CDH5: variants seen among roughly 807,000 people sequenced by gnomAD.
The protein encoded by CDH5 is cadherin-5.
A neutral mutation model predicts 62.0 loss-of-function variants in CDH5; 28 were observed. That is an observed-to-expected ratio of 0.45 (90% CI 0.33 to 0.62). CDH5 has a LOEUF of 0.62. Ranked by LOEUF, CDH5 falls within the 20% of genes least tolerant of loss-of-function variation. The pLI is 0.02. For synonymous variants in CDH5, 464 were observed against 445.8 expected (o/e 1.04, Z -0.52); for missense variants, 940 against 1,065.1 (o/e 0.88, Z 1.63).
At chr16:66,400,226 T>G (rs1458071564) in intron 10 of CDH5, among the ~76,000 whole-genome samples, 1 of 152,230 alleles carries the variant, frequency 6.6e-6, no homozygotes, top group African/African-American at 2.4e-5. Context: ...AGTTCCAAAC[T>G]GCCTGGGAAA....
At position 66,386,989 on chromosome 16, in the gene CDH5, C is replaced by T; in HGVS notation, c.391C>T (p.Leu131=). 1 of 1,614,138 alleles carries T rather than the reference C, an allele frequency of 6.2e-7. No individual in the cohort carries two copies. Among genetic ancestry groups the T allele is most frequent in the East Asian group, 2.2e-5 (1 of 44,886 alleles). ...TGTGGACAAGGACACTGGCGAAAAC[C>T]TGGAGACTCCTTCCAGCTTCACCAT... ...VIVDKDTGEN[L]ETPSSFTIKV... Residue 131 remains leucine (L), a synonymous_variant, in exon 3 of 12, where the codon CTG becomes TTG. Transcript: ENST00000341529.
intron 2 of CDH5, among the ~76,000 whole-genome samples, chr16:66,382,919 AT>A (rs1441631020): frequency 6.6e-6 from 1 of 152,174 alleles, no homozygotes; most frequent in African/African-American, 2.4e-5. Flanking sequence ...ACCCACAAAT[AT>A]GGGTTTTTGG....
chr16:66,379,591 C>T lies in CDH5; in HGVS notation c.210+44C>T, dbSNP rs764004552. The T allele has an allele frequency of 6.4e-6, 10 of 1,556,586 alleles. No individual in the cohort carries two copies. In the Admixed American group the frequency reaches 8.4e-5, roughly 13 times the overall value. ...GACAGGAGAAGCCATCAGCAGCTGG[C>T]CCATAGTGACAAGTGGTGGTGGTGA... On this transcript the variant is annotated intron_variant, in intron 2 of 11. Coordinates refer to ENST00000341529, the MANE Select transcript of CDH5 (RefSeq NM_001795.5).
chr16:66,373,336 C>T (rs948338320), intron 1 of CDH5, among the ~76,000 whole-genome samples: 1 of 152,124 alleles, frequency 6.6e-6, no homozygotes, highest in Non-Finnish European at 1.5e-5. Context: ...GCCCGGTTTC[C>T]TCTGCATCAT....
chr16:66,399,995 T>C (rs1961253134), intron 10 of CDH5, among the ~76,000 whole-genome samples: 1 of 152,232 alleles, frequency 6.6e-6, no homozygotes, highest in African/African-American at 2.4e-5. Flanking sequence ...AGGGAGTTCC[T>C]GGATCCTTCT....
intron 1 of CDH5, chr16:66,376,261 T>C (rs570213544): frequency 6.6e-6 from 1 of 152,334 alleles, no homozygotes; most frequent in African/African-American, 2.4e-5. Context: ...GCAATGTTAC[T>C]AGGGCAGAGG....
At chr16:66,391,495 G>A (rs957582817) in intron 6 of CDH5, among the ~76,000 whole-genome samples, 17 of 152,032 alleles carry the variant, frequency 1.1e-4, no homozygotes, top group Middle Eastern at 3.2e-3. Flanking sequence ...ATGTCCGGCC[G>A]GGCCCGGTGG....
rs557132442 is a variant in CDH5 at position 66,397,073 on chromosome 16, A to G, written c.1360+872A>G. Among the ~76,000 whole-genome samples the G allele has an allele frequency of 2.4e-4, 37 of 152,368 alleles. No individual in the cohort carries two copies. The South Asian group carries it at 5.0e-3, about 20-fold the overall frequency. On this transcript the variant is annotated intron_variant, in intron 8 of 11. Transcript: ENST00000341529. ...CCCACCAATGCCACCATGCAGAGAC[A>G]GTTACTATTAGCACATTCATGTATT...
At chr16:66,379,820 A>G (rs12928629) in intron 2 of CDH5, among the ~76,000 whole-genome samples, 150,920 of 151,740 alleles carry the variant, frequency 0.99, 75,103 homozygotes, top group Middle Eastern at 1. Flanking sequence ...AATGGTGGTG[A>G]TGGTAGTGAT....
Position 66,402,915 on chromosome 16 carries a change from G to A in CDH5, c.2101G>A (p.Gly701Arg), listed in dbSNP as rs754344820. The A allele has an allele frequency of 6.2e-7, 1 of 1,611,932 alleles. No individual in the cohort carries two copies. The highest frequency in any genetic ancestry group is 8.5e-7 in the Non-Finnish European group (1 of 1,179,800). ...PPRHAPGAHG[G>R]PGEMAAMIEV... The stretch of plus-strand genomic sequence containing the variant: ...GAGGCACGCGCCTGGGGCACACGGA[G>A]GGCCCGGGGAGATGGCAGCCATGAT... Residue 701 changes from glycine (G) to arginine (R), a missense_variant, in exon 12 of 12, where the codon GGG becomes AGG. Coordinates refer to ENST00000341529, the MANE Select transcript of CDH5 (RefSeq NM_001795.5).
At chr16:66,389,020 C>T (rs1386741241) in intron 4 of CDH5, among the ~76,000 whole-genome samples, 1 of 152,206 alleles carries the variant, frequency 6.6e-6, no homozygotes, top group Non-Finnish European at 1.5e-5. Context: ...ATGGCAAATA[C>T]ATAGCACAGA....
chr16:66,382,407 G>A (rs1470776973), intron 2 of CDH5, among the ~76,000 whole-genome samples: 3 of 152,138 alleles, frequency 2.0e-5, no homozygotes, highest in Non-Finnish European at 4.4e-5. Flanking sequence ...AGCCCCAGGA[G>A]AATGCCGCCC....
intron 1 of CDH5, among the ~76,000 whole-genome samples, chr16:66,367,291 C>T (rs1960604686): frequency 6.6e-6 from 1 of 152,178 alleles, no homozygotes; most frequent in Non-Finnish European, 1.5e-5. Flanking sequence ...TCAGCCAGTG[C>T]CCCCATTTCA....
chr16:66,392,520 C>A, intron 7 of CDH5, 137 bp downstream of exon 7: 1 of 1,221,540 alleles, frequency 8.2e-7, no homozygotes, highest in Non-Finnish European at 1.1e-6. Context: ...AGAGGCAAGA[C>A]CAGAAGCCCA....
chr16:66,368,028 G>A (rs533983356), intron 1 of CDH5, among the ~76,000 whole-genome samples: 8 of 152,314 alleles, frequency 5.3e-5, no homozygotes, highest in African/African-American at 1.4e-4. Context: ...CAGCAGGTAC[G>A]AGGAAGGGGG....
chr16:66,392,233 G>C lies in CDH5; in HGVS notation c.1067G>C (p.Arg356Thr). ...LRYMSPPAGN[R>T]AQVIINITDV... ...TACATGAGCCCTCCCGCGGGAAACAGAGCCCAGGTCATTATCAACATCACA... is the reference window on the plus strand; with the variant it reads ...TACATGAGCCCTCCCGCGGGAAACACAGCCCAGGTCATTATCAACATCACA... The change falls in exon 7 of 12, where the codon AGA becomes ACA. Residue 356 changes from arginine to threonine, a missense_variant. Coordinates refer to ENST00000341529, the MANE Select transcript of CDH5 (RefSeq NM_001795.5). The C allele has an allele frequency of 6.2e-7, 1 of 1,614,096 alleles. No homozygotes were observed. The highest frequency in any genetic ancestry group is 1.3e-5 in the African/African-American group (1 of 75,004).
chr16:66,375,952 C>CA (rs1040288317), intron 1 of CDH5, among the ~76,000 whole-genome samples: 4 of 150,478 alleles, frequency 2.7e-5, no homozygotes, highest in African/African-American at 7.3e-5. Flanking sequence ...ACTAAAAATA[C>CA]AAAAAAAAAT....
intron 5 of CDH5, 79 bp downstream of exon 5, chr16:66,389,601 T>A: frequency 1.6e-6 from 2 of 1,273,146 alleles, no homozygotes; most frequent in South Asian, 3.3e-5. Flanking sequence ...GGGAAAAGAG[T>A]TACAAATCAC....
At position 66,392,154 on chromosome 16, in the gene CDH5, A is replaced by G; in HGVS notation, c.988A>G (p.Ile330Val). 6.2e-7 allele frequency: 1 copy of G among 1,614,178 alleles called. No homozygotes were observed. The highest frequency in any genetic ancestry group is 1.1e-5 in the South Asian group (1 of 91,080). Residue 330 changes from isoleucine to valine, a missense_variant, in exon 7 of 12, where the codon ATC (isoleucine) becomes GTC (valine). Physicochemically the swap from Ile to Val is conservative, Grantham distance 29. Coordinates refer to ENST00000341529, the MANE Select transcript of CDH5 (RefSeq NM_001795.5). ...TACGCAGCCTCTGGATTATGAATAC[A>G]TCCAGCAATACAGCTTCATCGTCGA... ...KPMKPLDYEY[I>V]QQYSFIVEAT... is the part of the protein sequence containing the mutation.
Sources: gnomAD v4.1 joint callset for allele counts (sites outside exome capture counted in the v4.1 genomes callset) on GRCh38, gnomAD v4.1.1 for gene constraint, MANE v1.5 for transcripts, NCBI Gene and HGNC (gene_info 2026-07-23, HGNC 2026-07-21) for gene names.